The following FAAH2 variants were observed in gnomAD, a reference collection of about 807,000 sequenced individuals.
The protein encoded by FAAH2 is fatty acid amide hydrolase 2, also known as fatty-acid amide hydrolase 2.
Under a neutral mutation model 36.9 loss-of-function variants are expected in FAAH2, and 60 were observed. The ratio of observed to expected loss-of-function variants is 1.63; its 90% CI spans 1.32 to 2.02. The LOEUF is 2.02. Among genes scored for constraint, FAAH2 ranks in the 30% most tolerant of loss-of-function variants. FAAH2 has a pLI of 0.00. For missense variants in FAAH2, 689 were observed against 397.5 expected, an observed-to-expected ratio of 1.73 and a Z score of -6.23; for synonymous variants, 214 against 143.8, an observed-to-expected ratio of 1.49 and a Z score of -3.49.
At chrX:57,425,611 G>A (rs1162645383) in intron 7 of FAAH2, among the ~76,000 whole-genome samples, 1 of 111,209 alleles carries the variant, frequency 9.0e-6, no homozygotes, top group Non-Finnish European at 1.9e-5. Context: ...TTTGAATCCT[G>A]CTCTAATGTT....
the FAAH2 span, among the ~76,000 whole-genome samples, chrX:57,212,086 G>T: frequency 1.8e-5 from 2 of 111,173 alleles, no homozygotes; most frequent in Non-Finnish European, 3.8e-5. Context: ...TTTTTAATTA[G>T]CCAGGCCTGT....
chrX:57,281,977 C>T (rs899077583), upstream of FAAH2, among the ~76,000 whole-genome samples: 2 of 111,775 alleles, frequency 1.8e-5, no homozygotes, highest in African/African-American at 3.3e-5. Flanking sequence ...TGTTGATGGG[C>T]ATTTCGGTTG....
the FAAH2 span, among the ~76,000 whole-genome samples, chrX:57,207,444 C>A: frequency 1.8e-5 from 2 of 111,801 alleles, no homozygotes; most frequent in African/African-American, 6.5e-5. Context: ...TCTACCAAAC[C>A]TTTAAATTTC....
intron 8 of FAAH2, among the ~76,000 whole-genome samples, chrX:57,443,531 A>T (rs370635167): frequency 2.7e-3 from 305 of 111,717 alleles, no homozygotes; most frequent in African/African-American, 9.3e-3. Context: ...CAAGGTTTTT[A>T]ACTTCTTTGT....
intron 7 of FAAH2, chrX:57,392,765 G>T (rs2055196993): frequency 1.6e-6 from 1 of 615,615 alleles, no homozygotes; most frequent in South Asian, 2.2e-5. Flanking sequence ...CAGCCCCGAT[G>T]CTGGCATGGA....
chrX:57,337,683 G>T lies in FAAH2; in HGVS notation c.623-3588G>T, dbSNP rs187978739. Among the ~76,000 whole-genome samples the T allele has an allele frequency of 3.0e-3, 339 of 111,913 alleles. 2 individuals carry two copies. The highest frequency in any genetic ancestry group is 9.2e-3 in the Middle Eastern group (2 of 217). On this transcript the variant is annotated intron_variant, in intron 4 of 10. Transcript: ENST00000374900. ...TGATTATTTCAATAGATGCAGAAAA[G>T]GCCTTCACTAAAATTCAACATCCCT...
chrX:57,322,703 C>A (rs1157038177), intron 3 of FAAH2, among the ~76,000 whole-genome samples: 2 of 111,207 alleles, frequency 1.8e-5, no homozygotes, highest in African/African-American at 6.5e-5. Context: ...TTAAAAAATT[C>A]TTTTTTCTTT....
chrX:57,477,146 A>AGATTAACT (rs1438207278), intron 10 of FAAH2, among the ~76,000 whole-genome samples: 46 of 110,532 alleles, frequency 4.2e-4, no homozygotes, highest in African/African-American at 1.5e-3. Flanking sequence ...TTTTCAAAAA[A>AGATTAACT]CCTGTTCCTG....
intron 2 of FAAH2, among the ~76,000 whole-genome samples, chrX:57,299,148 C>CA (rs1390226223): frequency 1.4e-3 from 151 of 110,379 alleles, no homozygotes; most frequent in African/African-American, 4.6e-3. Flanking sequence ...AGAGACACAA[C>CA]AAAAAAAAGA....
intron 7 of FAAH2, among the ~76,000 whole-genome samples, chrX:57,399,867 G>C (rs890414949): frequency 2.4e-4 from 27 of 111,783 alleles, no homozygotes; most frequent in African/African-American, 7.8e-4. Flanking sequence ...ATTTCTGCCA[G>C]CTGAGCACTA....
chrX:57,396,456 G>C (rs1175043550), intron 7 of FAAH2, among the ~76,000 whole-genome samples: 1 of 107,575 alleles, frequency 9.3e-6, no homozygotes, highest in African/African-American at 3.4e-5. Flanking sequence ...CTCTCTTTTG[G>C]ATGAAGGCAT....
Position 57,430,698 on chromosome X carries a change from TG to T in FAAH2, c.997-1219del, listed in dbSNP as rs775285455. Among the ~76,000 whole-genome samples, 263 of 112,392 alleles carry T rather than the reference TG, an allele frequency of 2.3e-3. 1 individual carries two copies. The highest frequency in any genetic ancestry group is 8.2e-3 in the African/African-American group (255 of 31,051). ...TTGACTCTTCTGCTTATGTAGTTTT[TG>T]TCAGTTAAGTGCTGCCACTTTTCCC... On this transcript the variant is annotated intron_variant, in intron 7 of 10. Transcript: ENST00000374900.
At chrX:57,408,608 A>C (rs1208758339) in intron 7 of FAAH2, among the ~76,000 whole-genome samples, 1 of 109,975 alleles carries the variant, frequency 9.1e-6, no homozygotes, top group African/African-American at 3.3e-5. Context: ...GACATGTTGA[A>C]TAGAAATAGC....
At chrX:57,483,591 T>G (rs1395633579) in intron 10 of FAAH2, among the ~76,000 whole-genome samples, 1 of 110,420 alleles carries the variant, frequency 9.1e-6, no homozygotes, top group Admixed American at 9.8e-5. Context: ...AGCTTTTTCA[T>G]GGTGCCAGAT....
rs762743588 is a variant in FAAH2, at chrX:57,474,983, G to A, written c.1424-13774G>A. Among the ~76,000 whole-genome samples, 9 of 111,739 alleles carry A rather than the reference G, an allele frequency of 8.1e-5. No individual in the cohort carries two copies. The South Asian group carries it at 1.5e-3, about 18-fold the overall frequency. ...GCATTTTTTCATATATCTGCTGGCC[G>A]TATAAATGTCTTCTTTTGAGAAGTG... is the stretch of plus-strand genomic sequence containing the variant. On this transcript the variant is annotated intron_variant, in intron 10 of 10. Coordinates refer to ENST00000374900, the MANE Select transcript of FAAH2 (RefSeq NM_174912.4).
At chrX:57,202,578 A>G in the FAAH2 span, among the ~76,000 whole-genome samples, 4 of 111,670 alleles carry the variant, frequency 3.6e-5, no homozygotes, top group Admixed American at 2.9e-4. Context: ...CTGCATGGGG[A>G]CAGAACTGAG....
intron 6 of FAAH2, among the ~76,000 whole-genome samples, chrX:57,379,266 T>C (rs752348721): frequency 1.8e-5 from 2 of 111,264 alleles, no homozygotes; most frequent in Admixed American, 1.9e-4. Context: ...TCCTTTACCC[T>C]CAAGTAAATA....
At chrX:57,392,598 G>A (rs1254093438) in intron 7 of FAAH2, 3 of 795,692 alleles carry the variant, frequency 3.8e-6, no homozygotes, top group Non-Finnish European at 5.6e-6. Context: ...AATAGACACT[G>A]GCCAGATTTT....
chrX:57,424,053 C>T (rs2056100685), intron 7 of FAAH2, among the ~76,000 whole-genome samples: 1 of 111,713 alleles, frequency 9.0e-6, no homozygotes, highest in Non-Finnish European at 1.9e-5. Context: ...CCACACAACC[C>T]CAGCTACTCA....
Sources: allele counts gnomAD v4.1 joint callset (sites outside exome capture counted in the v4.1 genomes callset), GRCh38; gene constraint gnomAD v4.1.1; transcripts MANE v1.5; gene names NCBI Gene and HGNC (gene_info 2026-07-23, HGNC 2026-07-21).